CERS3: variants seen among roughly 807,000 people sequenced by gnomAD.
CERS3 encodes LAG1 homolog, ceramide synthase 3.
In CERS3, 33 loss-of-function variants were observed where a neutral mutation model predicts 50.3. The observed-to-expected ratio is 0.66, with a 90% CI of 0.50 to 0.88. The LOEUF (loss-of-function observed/expected upper bound fraction) is 0.88, where lower values mean the gene tolerates loss of function less well. Among genes scored for constraint, CERS3 ranks in the 40% least tolerant of loss-of-function variants. The pLI is 0.00. For synonymous variants in CERS3, 176 were observed against 155.2 expected, an observed-to-expected ratio of 1.13 and a Z score of -0.99; for missense variants, 470 against 460.3, an observed-to-expected ratio of 1.02 and a Z score of -0.19.
In CERS3 at chr15:100,489,347, T is replaced by A. The variant is rs376440833; in HGVS notation, c.288+1470A>T. Among the ~76,000 whole-genome samples, 18 of 152,316 alleles carry A rather than the reference T, an allele frequency of 1.2e-4. No individual in the cohort carries two copies. In the South Asian group the frequency reaches 2.7e-3, roughly 23 times the overall value. ...TTTGGCTGGGCCTTAAGTTTCCTCATCTTAATCATGAAAAAGAAAGACTAC... is the reference window on the plus strand; with the variant it reads ...TTTGGCTGGGCCTTAAGTTTCCTCAACTTAATCATGAAAAAGAAAGACTAC... On this transcript the variant is annotated intron_variant, in intron 4 of 11. Transcript: ENST00000679737.
At chr15:100,446,373 T>TG (rs2033943490) in intron 11 of CERS3, among the ~76,000 whole-genome samples, 1 of 140,550 alleles carries the variant, frequency 7.1e-6, no homozygotes, top group Non-Finnish European at 1.5e-5. Flanking sequence ...GGTTTTTTTT[T>TG]TTTTTTTTCT....
intron 11 of CERS3, among the ~76,000 whole-genome samples, chr15:100,435,619 A>C (rs2033364844): frequency 6.6e-6 from 1 of 152,254 alleles, no homozygotes; most frequent in African/African-American, 2.4e-5. Flanking sequence ...CAGAATTGAC[A>C]AATGGGATCT....
In CERS3 at chr15:100,542,989, C is replaced by T. The variant is rs1021097426; in HGVS notation, c.-355+1662G>A. Among the ~76,000 whole-genome samples the T allele has an allele frequency of 8.5e-5, 13 of 152,312 alleles. No homozygotes were observed. The South Asian group carries it at 2.7e-3, about 32-fold the overall frequency. Reference sequence around the variant, plus strand: ...AGTGCAGTAGTAGGATCTCAGCTCACTGCAACCTCCACCTCCTGGGCTAAA... The same window carrying T: ...AGTGCAGTAGTAGGATCTCAGCTCATTGCAACCTCCACCTCCTGGGCTAAA... On this transcript the variant is annotated intron_variant, in intron 1 of 12. Transcript: ENST00000284382.
chr15:100,477,707 A>G (rs2035175999), intron 7 of CERS3, among the ~76,000 whole-genome samples: 1 of 152,364 alleles, frequency 6.6e-6, no homozygotes, highest in East Asian at 1.9e-4. Context: ...ACTAAGAAAC[A>G]GCAGAAGTTA....
intron 11 of CERS3, among the ~76,000 whole-genome samples, chr15:100,443,466 C>A (rs1402141763): frequency 1.3e-5 from 2 of 149,162 alleles, no homozygotes; most frequent in Non-Finnish European, 3.0e-5. Context: ...CCTATCCACC[C>A]CATGGTGTCA....
intron 11 of CERS3, among the ~76,000 whole-genome samples, chr15:100,447,250 A>C (rs2033980342): frequency 1.3e-5 from 2 of 152,328 alleles, no homozygotes; most frequent in South Asian, 4.1e-4. Context: ...ATCTTAATAC[A>C]GACATTCCTT....
chr15:100,468,932 T>C (rs988059623), intron 10 of CERS3, among the ~76,000 whole-genome samples: 10 of 152,230 alleles, frequency 6.6e-5, no homozygotes, highest in African/African-American at 2.2e-4. Flanking sequence ...CTCATCCTTA[T>C]GAGTTATTGT....
In CERS3 at chr15:100,521,733, G is replaced by A. The variant is rs2036645375; in HGVS notation, c.-68C>T. On this transcript the variant is annotated 5_prime_UTR_variant, in exon 2 of 12. Coordinates refer to ENST00000679737, the MANE Select transcript of CERS3 (RefSeq NM_001378789.1). ...TGTATATATGTATATATATATAAATGTCAGCTTTTGTTTCACAACATCCCT... is the reference window on the plus strand; with the variant it reads ...TGTATATATGTATATATATATAAATATCAGCTTTTGTTTCACAACATCCCT... 1 of 150,484 alleles carries A rather than the reference G, an allele frequency of 6.6e-6. No individual in the cohort carries two copies. The highest frequency in any genetic ancestry group is 1.5e-5 in the Non-Finnish European group (1 of 67,774). 9.3% of individuals were successfully genotyped at this position (150,484 alleles called of 1,614,324 possible).
At chr15:100,469,571 G>C in intron 9 of CERS3, 87 bp from the exon 10 acceptor site, 1 of 951,354 alleles carries the variant, frequency 1.1e-6, no homozygotes, top group South Asian at 1.6e-5. Context: ...ATGAGGTCTG[G>C]GATTTGCTTC....
In CERS3 at chr15:100,518,229, TAGACAA is replaced by T. The variant is rs71839695; in HGVS notation, c.-2+3432_-2+3437del. Among the ~76,000 whole-genome samples, 1,289 of 151,596 alleles carry T rather than the reference TAGACAA, an allele frequency of 8.5e-3. 21 individuals carry two copies. Among genetic ancestry groups the T allele is most frequent in the African/African-American group, 0.029 (1,212 of 41,264 alleles). On this transcript the variant is annotated intron_variant, in intron 2 of 11. Transcript: ENST00000679737. ...ATAGGGGGTGACAGAGACAGAGAGA[TAGACAA>T]AGACAAACACAGAATGACTGAGACA...
At position 100,407,839 on chromosome 15, in the gene CERS3, C is replaced by T. The variant is rs117168014; in HGVS notation, c.1000-4974G>A. On this transcript the variant is annotated intron_variant, in intron 11 of 11. Transcript: ENST00000679737. ...GCAGTGTGTAGGTTACATGCAAATGCAACACCATTTTATTTATTTATTTAT... is the reference window on the plus strand; with the variant it reads ...GCAGTGTGTAGGTTACATGCAAATGTAACACCATTTTATTTATTTATTTAT... 2.0e-3 allele frequency among the ~76,000 whole-genome samples: 307 copies of T among 152,262 alleles called. 4 individuals are homozygous for T. The highest frequency in any genetic ancestry group is 0.013 in the East Asian group (69 of 5,184).
At chr15:100,457,777 A>G (rs1172660415) in intron 10 of CERS3, among the ~76,000 whole-genome samples, 3 of 152,220 alleles carry the variant, frequency 2.0e-5, no homozygotes, top group Non-Finnish European at 2.9e-5. Context: ...TTACATTCCC[A>G]CCAGCAAAGC....
intron 10 of CERS3, among the ~76,000 whole-genome samples, chr15:100,468,370 A>C (rs8029244): frequency 1.3e-5 from 2 of 151,922 alleles, no homozygotes; most frequent in Non-Finnish European, 2.9e-5. Context: ...ATGGACTCTC[A>C]CATGTAGCAA....
chr15:100,472,525 T>C (rs1260663624), intron 9 of CERS3, among the ~76,000 whole-genome samples: 1 of 152,020 alleles, frequency 6.6e-6, no homozygotes, highest in African/African-American at 2.4e-5. Context: ...AGTGTGAACA[T>C]TCAACGGGTA....
At chr15:100,453,408 C>T (rs555915388) in intron 11 of CERS3, among the ~76,000 whole-genome samples, 1 of 152,240 alleles carries the variant, frequency 6.6e-6, no homozygotes, top group African/African-American at 2.4e-5. Flanking sequence ...TCTATATGAT[C>T]ATCTCAATAG....
rs553786467 is a variant in CERS3, at chr15:100,501,575, G to A, written c.173+102C>T. On this transcript the variant is annotated intron_variant, in intron 3 of 11. Transcript: ENST00000679737. ...CTGTGGCCCATTAGTGGCAACCTCTGAACAACAGATTCTTTAAGGATCTCA... is the reference window on the plus strand; with the variant it reads ...CTGTGGCCCATTAGTGGCAACCTCTAAACAACAGATTCTTTAAGGATCTCA... 3.9e-6 allele frequency: 4 copies of A among 1,037,294 alleles called. No homozygotes were observed. The African/African-American group carries it at 4.8e-5, about 13-fold the overall frequency. The allele number at this position is 1,037,294 out of a possible 1,614,324, so 64.3% of individuals were successfully genotyped here. A position where few individuals can be genotyped will look rare whatever the true frequency, so the allele number is the denominator to read the frequency against.
chr15:100,515,863 T>G (rs971261478), intron 2 of CERS3, among the ~76,000 whole-genome samples: 1 of 152,198 alleles, frequency 6.6e-6, no homozygotes, highest in Non-Finnish European at 1.5e-5. Context: ...CAGCATTTCC[T>G]TTCCAATTGC....
intron 11 of CERS3, among the ~76,000 whole-genome samples, chr15:100,444,686 A>C (rs932285148): frequency 1.3e-5 from 2 of 152,098 alleles, no homozygotes; most frequent in African/African-American, 4.8e-5. Context: ...TTCCCTACAC[A>C]TCAAGCTCAG....
chr15:100,402,375 C>A lies in CERS3; in HGVS notation c.*338G>T. 4.7e-6 allele frequency: 1 copy of A among 214,442 alleles called. No homozygotes were observed. Among genetic ancestry groups the A allele is most frequent in the Non-Finnish European group, 9.2e-6 (1 of 108,690 alleles). The allele number at this position is 214,442 out of a possible 1,614,324, so 13.3% of individuals were successfully genotyped here. ...AGCACCTGTGAAAGCGTCCTGAGGA[C>A]AGGCAAGGTGGCGAGGCGAAAGGGT... On this transcript the variant is annotated 3_prime_UTR_variant, in exon 12 of 12. Coordinates refer to ENST00000679737, the MANE Select transcript of CERS3 (RefSeq NM_001378789.1).
Sources: allele counts gnomAD v4.1 joint callset (sites outside exome capture counted in the v4.1 genomes callset), GRCh38; gene constraint gnomAD v4.1.1; transcripts MANE v1.5; gene names NCBI Gene and HGNC (gene_info 2026-07-23, HGNC 2026-07-21).